The following EPHA5 variants were observed in gnomAD, a reference collection of about 807,000 sequenced individuals.
The protein encoded by EPHA5 is EPH receptor A5, also known as ephrin type-A receptor 5.
In EPHA5, 60 loss-of-function variants were observed where a neutral mutation model predicts 105.0. That is an observed-to-expected ratio of 0.57 (90% CI 0.46 to 0.71). The LOEUF is 0.71. Ranked by LOEUF, EPHA5 falls within the 30% of genes least tolerant of loss-of-function variation. The pLI, the probability that EPHA5 is intolerant of heterozygous loss-of-function variation, is 0.00. For synonymous variants in EPHA5, 513 were observed against 449.1 expected, an observed-to-expected ratio of 1.14 and a Z score of -1.80; for missense variants, 1,218 against 1,274.7, an observed-to-expected ratio of 0.96 and a Z score of 0.68.
At chr4:65,348,538 A>G (rs1445696344) in intron 13 of EPHA5, among the ~76,000 whole-genome samples, 4 of 151,334 alleles carry the variant, frequency 2.6e-5, no homozygotes, top group Non-Finnish European at 4.4e-5. Context: ...TAACAGAGTA[A>G]AAGACTCAAA....
intron 2 of EPHA5, among the ~76,000 whole-genome samples, chr4:65,617,323 C>T (rs1301883885): frequency 2.0e-5 from 3 of 152,034 alleles, no homozygotes; most frequent in African/African-American, 7.2e-5. Context: ...GTCATTGGGG[C>T]AAACCTGTGA....
chr4:65,468,958 T>C (rs1334828993), intron 5 of EPHA5, among the ~76,000 whole-genome samples: 1 of 152,040 alleles, frequency 6.6e-6, no homozygotes, highest in Non-Finnish European at 1.5e-5. Flanking sequence ...TGGGGAAGTC[T>C]GTGGGGAAGG....
intron 4 of EPHA5, 77 bp from the exon 5 acceptor site, chr4:65,490,789 G>T: frequency 7.1e-7 from 1 of 1,400,760 alleles, no homozygotes; most frequent in Non-Finnish European, 9.7e-7. Context: ...ACCAATTCCT[G>T]GTCTGAAGGA....
At chr4:65,612,703 C>T (rs1434931402) in intron 2 of EPHA5, among the ~76,000 whole-genome samples, 1 of 152,060 alleles carries the variant, frequency 6.6e-6, no homozygotes, top group African/African-American at 2.4e-5. Context: ...AATATCTGTT[C>T]ACTTTTTAAT....
At chr4:65,601,117 AAC>A (rs1486595782) in intron 3 of EPHA5, among the ~76,000 whole-genome samples, 1 of 152,228 alleles carries the variant, frequency 6.6e-6, no homozygotes, top group Non-Finnish European at 1.5e-5. Context: ...ATAAGTAAAC[AAC>A]ACAGTAAACT....
At chr4:65,446,254 G>A (rs1482916050) in intron 5 of EPHA5, among the ~76,000 whole-genome samples, 1 of 152,030 alleles carries the variant, frequency 6.6e-6, no homozygotes, top group Non-Finnish European at 1.5e-5. Context: ...GTCTTAGTAT[G>A]AATAACTTTA....
chr4:65,398,147 C>T (rs1721437527), intron 8 of EPHA5, among the ~76,000 whole-genome samples: 1 of 152,190 alleles, frequency 6.6e-6, no homozygotes, highest in Non-Finnish European at 1.5e-5. Flanking sequence ...AAGCCCCCTG[C>T]CCCTGTAGGC....
At chr4:65,441,710 C>T (rs1480091179) in intron 5 of EPHA5, among the ~76,000 whole-genome samples, 5 of 152,122 alleles carry the variant, frequency 3.3e-5, no homozygotes, top group African/African-American at 9.6e-5. Flanking sequence ...ACTACTGACT[C>T]GCACTGACTC....
chr4:65,445,352 T>TA (rs1726415100), intron 5 of EPHA5, among the ~76,000 whole-genome samples: 1 of 152,132 alleles, frequency 6.6e-6, no homozygotes, highest in African/African-American at 2.4e-5. Flanking sequence ...TTTTAAACAA[T>TA]ATGTTATTTA....
At chr4:65,463,262 G>A (rs886429324) in intron 5 of EPHA5, among the ~76,000 whole-genome samples, 1 of 151,822 alleles carries the variant, frequency 6.6e-6, no homozygotes, top group South Asian at 2.1e-4. Context: ...TCTTTAATTG[G>A]GTATTTAATA....
chr4:65,394,658 C>T (rs1183045258), intron 8 of EPHA5, among the ~76,000 whole-genome samples: 1 of 151,526 alleles, frequency 6.6e-6, no homozygotes, highest in Non-Finnish European at 1.5e-5. Flanking sequence ...GTAAGAAGAG[C>T]CAATGCCAAA....
intron 11 of EPHA5, among the ~76,000 whole-genome samples, chr4:65,357,061 A>T (rs1723368692): frequency 6.6e-6 from 1 of 151,498 alleles, no homozygotes. Flanking sequence ...TATATTATTT[A>T]CTGAAGGCCC....
intron 3 of EPHA5, among the ~76,000 whole-genome samples, chr4:65,560,382 G>A (rs1025152084): frequency 7.9e-5 from 12 of 151,890 alleles, no homozygotes; most frequent in South Asian, 4.1e-4. Context: ...CCATTGTCCC[G>A]TATCACAACT....
intron 2 of EPHA5, among the ~76,000 whole-genome samples, chr4:65,640,614 C>G (rs1202429641): frequency 6.6e-6 from 1 of 152,132 alleles, no homozygotes; most frequent in Non-Finnish European, 1.5e-5. Context: ...GCTTACATAC[C>G]AGGTATTGCT....
intron 2 of EPHA5, among the ~76,000 whole-genome samples, chr4:65,634,931 A>T (rs553611580): frequency 6.6e-6 from 1 of 152,178 alleles, no homozygotes; most frequent in East Asian, 1.9e-4. Context: ...GCTTCTCCTT[A>T]TTCTTGCCTT....
At chr4:65,367,277 C>T in intron 9 of EPHA5, 80 bp downstream of exon 9, 3 of 1,201,936 alleles carry the variant, frequency 2.5e-6, no homozygotes. Flanking sequence ...TATTATAAAT[C>T]TTGTAGCCTG....
rs747204361 is a variant in EPHA5 at position 65,320,176 on chromosome 4, T to C, written c.*3938A>G. On this transcript the variant is annotated 3_prime_UTR_variant, in exon 17 of 17. Coordinates refer to ENST00000613740, the MANE Select transcript of EPHA5 (RefSeq NM_001281766.3). ...GAATAAGAAATGAAAAGAAAGTTCC[T>C]ATTTCTATTTTGATACATTACTATA... 2.2e-5 allele frequency: 5 copies of C among 230,198 alleles called. No homozygotes were observed. The highest frequency in any genetic ancestry group is 3.4e-5 in the Non-Finnish European group (4 of 116,130). 14.3% of individuals were successfully genotyped at this position (230,198 alleles called of 1,614,324 possible).
chr4:65,514,242 T>C (rs1733894925), intron 3 of EPHA5, among the ~76,000 whole-genome samples: 1 of 152,142 alleles, frequency 6.6e-6, no homozygotes, highest in Non-Finnish European at 1.5e-5. Flanking sequence ...TTCCACATTC[T>C]TTTCTTGCAA....
At chr4:65,352,324 A>AT (rs2148858071) in intron 12 of EPHA5, among the ~76,000 whole-genome samples, 1 of 152,112 alleles carries the variant, frequency 6.6e-6, no homozygotes, top group Non-Finnish European at 1.5e-5. Flanking sequence ...TATCAATGCC[A>AT]TTGGGCTATC....
Sources: gnomAD v4.1 joint callset for allele counts (sites outside exome capture counted in the v4.1 genomes callset) on GRCh38, gnomAD v4.1.1 for gene constraint, MANE v1.5 for transcripts, NCBI Gene and HGNC (gene_info 2026-07-23, HGNC 2026-07-21) for gene names.